Variants in FERMT2 observed in about 807,000 individuals in gnomAD.
FERMT2 encodes fermitin family homolog 2.
FERMT2 carries 15 observed loss-of-function variants against 82.7 expected under a neutral mutation model. That is an observed-to-expected ratio of 0.18 (90% CI 0.12 to 0.28). FERMT2 has a LOEUF of 0.28. FERMT2 is among the 10% of genes least tolerant of loss of function. The probability of loss-of-function intolerance (pLI) is 1.00; values close to 1 mark genes in which losing one functional copy is unlikely to be tolerated. For missense variants in FERMT2, 645 were observed against 809.4 expected, an observed-to-expected ratio of 0.80 and a Z score of 2.46; for synonymous variants, 274 against 271.5, an observed-to-expected ratio of 1.01 and a Z score of -0.09.
At chr14:52,881,703 GA>G (rs1028653543) in intron 4 of FERMT2, 101 of 1,183,800 alleles carry the variant, frequency 8.5e-5, no homozygotes, top group Non-Finnish European at 9.0e-5. Flanking sequence ...AAATTCTGGG[GA>G]AAAAAAATCA....
intron 3 of FERMT2, among the ~76,000 whole-genome samples, chr14:52,895,306 C>T (rs1887195366): frequency 6.6e-6 from 1 of 152,198 alleles, no homozygotes. Context: ...CTCAGCAATT[C>T]TGTATAAACA....
chr14:52,926,116 T>G (rs916489768), intron 2 of FERMT2, among the ~76,000 whole-genome samples: 1 of 152,208 alleles, frequency 6.6e-6, no homozygotes, highest in African/African-American at 2.4e-5. Flanking sequence ...AGCTAAAGAC[T>G]GAGTAGAAGC....
intron 3 of FERMT2, among the ~76,000 whole-genome samples, chr14:52,906,187 G>C (rs1888002072): frequency 6.6e-6 from 1 of 152,148 alleles, no homozygotes; most frequent in Non-Finnish European, 1.5e-5. Context: ...GTGTGGGGCA[G>C]GGGACAGGAG....
At chr14:52,890,904 C>T (rs1886904375) in intron 4 of FERMT2, among the ~76,000 whole-genome samples, 1 of 152,138 alleles carries the variant, frequency 6.6e-6, no homozygotes. Flanking sequence ...CGCGCCTGGC[C>T]CCTTTTATTC....
At chr14:52,889,227 TA>T (rs1329935791) in intron 4 of FERMT2, among the ~76,000 whole-genome samples, 1 of 152,232 alleles carries the variant, frequency 6.6e-6, no homozygotes, top group Non-Finnish European at 1.5e-5. Context: ...AGTTGCTCAA[TA>T]AATGTGGTTG....
chr14:52,936,656 C>A (rs754768747), intron 2 of FERMT2, among the ~76,000 whole-genome samples: 1 of 152,138 alleles, frequency 6.6e-6, no homozygotes, highest in Non-Finnish European at 1.5e-5. Context: ...CTCTTCCCAG[C>A]CTGTTGTTCT....
chr14:52,949,745 A>C (rs1424563519), intron 2 of FERMT2, among the ~76,000 whole-genome samples: 4 of 152,242 alleles, frequency 2.6e-5, no homozygotes, highest in Admixed American at 2.6e-4. Flanking sequence ...AATTAGTTTA[A>C]CAAAGTCTGC....
At chr14:52,884,329 C>T (rs1003552209) in intron 4 of FERMT2, among the ~76,000 whole-genome samples, 4 of 152,166 alleles carry the variant, frequency 2.6e-5, no homozygotes, top group African/African-American at 2.4e-5. Context: ...TGGGCAGGCG[C>T]GGTGGCTCAA....
intron 3 of FERMT2, among the ~76,000 whole-genome samples, chr14:52,902,034 C>T (rs1361114650): frequency 6.6e-6 from 1 of 151,494 alleles, no homozygotes; most frequent in Non-Finnish European, 1.5e-5. Context: ...CAAAACACAA[C>T]GTGCTTAATG....
intron 2 of FERMT2, among the ~76,000 whole-genome samples, chr14:52,942,627 T>C (rs966223143): frequency 6.6e-6 from 1 of 152,054 alleles, no homozygotes; most frequent in Non-Finnish European, 1.5e-5. Context: ...CAATTTCTAT[T>C]TTATAGAAGT....
At chr14:52,888,136 T>G (rs1172825725) in intron 4 of FERMT2, among the ~76,000 whole-genome samples, 4 of 152,292 alleles carry the variant, frequency 2.6e-5, no homozygotes, top group Non-Finnish European at 4.4e-5. Context: ...ATCAACAATA[T>G]ACACTACTCT....
rs895192860 is a variant in FERMT2 at position 52,861,095 on chromosome 14, A to T, written c.1603-630T>A. 1.3e-5 allele frequency: 18 copies of T among 1,424,936 alleles called. No individual in the cohort carries two copies. The Admixed American group carries it at 2.4e-4, about 19-fold the overall frequency. 88.3% of individuals were successfully genotyped at this position (1,424,936 alleles called of 1,614,324 possible). ...AGAAAGAAAAAAAAAGGCAATCAGA[A>T]AAAATGGCAACGAAGCAAAGAAAAA... is the stretch of plus-strand genomic sequence containing the variant. On this transcript the variant is annotated intron_variant, in intron 12 of 14. Coordinates refer to ENST00000341590, the MANE Select transcript of FERMT2 (RefSeq NM_006832.3).
chr14:52,860,507 C>T (rs1156957909), intron 12 of FERMT2, 42 bp from the exon 13 acceptor site: 3 of 1,566,646 alleles, frequency 1.9e-6, no homozygotes, highest in Non-Finnish European at 2.6e-6. Context: ...GAACATTATT[C>T]TCTCATGGGA....
At chr14:52,892,607 A>G (rs896767294) in intron 4 of FERMT2, among the ~76,000 whole-genome samples, 25 of 151,630 alleles carry the variant, frequency 1.6e-4, no homozygotes, top group African/African-American at 5.8e-4. Context: ...GGCACGTGCC[A>G]CCACGTCCAG....
In FERMT2 at chr14:52,919,236, G is replaced by A. The variant is rs1240514630; in HGVS notation, c.278C>T (p.Thr93Ile). ...CAGGCGGAGCAGTTTGTGCTGAGGG[G>A]TGAACTGAAGCTTAGCATCTGCCTG... is the stretch of plus-strand genomic sequence containing the variant. ...GIQADAKLQF[T>I]PQHKLLRLQL... The change falls in exon 3 of 15, where the codon ACC becomes ATC. Residue 93 changes from threonine (T) to isoleucine (I), a missense_variant. Physicochemically the swap from Thr to Ile is moderately conservative, Grantham distance 89 (BLOSUM62 -1). Coordinates refer to ENST00000341590, the MANE Select transcript of FERMT2 (RefSeq NM_006832.3). 1.2e-6 allele frequency: 2 copies of A among 1,614,016 alleles called. No homozygotes were observed. Among genetic ancestry groups the A allele is most frequent in the Admixed American group, 1.7e-5 (1 of 60,016 alleles).
intron 7 of FERMT2, among the ~76,000 whole-genome samples, chr14:52,877,744 G>GAAA (rs1420910076): frequency 1.3e-5 from 2 of 151,998 alleles, no homozygotes; most frequent in Non-Finnish European, 2.9e-5. Context: ...CTTCTACAGT[G>GAAA]AAAAGTTCTT....
intron 2 of FERMT2, among the ~76,000 whole-genome samples, chr14:52,923,262 A>T (rs1248382327): frequency 6.6e-6 from 1 of 151,994 alleles, no homozygotes; most frequent in Non-Finnish European, 1.5e-5. Context: ...TTCAAATTTC[A>T]ATGCCCATAA....
chr14:52,901,009 C>G (rs1342549041), intron 3 of FERMT2, among the ~76,000 whole-genome samples: 3 of 150,310 alleles, frequency 2.0e-5, no homozygotes, highest in Non-Finnish European at 2.9e-5. Flanking sequence ...GCCTGTAATC[C>G]TAGCACTTTG....
rs759488950 is a variant in FERMT2 at position 52,864,504 on chromosome 14, T to C, written c.1499A>G (p.His500Arg). ...QNILSFLKMQ[H>R]LNPDPQLIPE... ...TATTAACTGAGGATCTGGGTTTAAA[T>C]GCTGCATCTTCAGAAAGGAAAGAAT... The change falls in exon 12 of 15, where the codon CAT becomes CGT. Residue 500 changes from histidine (H) to arginine (R), a missense_variant. Transcript: ENST00000341590. 6.2e-7 allele frequency: 1 copy of C among 1,614,130 alleles called. No homozygotes were observed. Among genetic ancestry groups the C allele is most frequent in the Non-Finnish European group, 8.5e-7 (1 of 1,179,946 alleles).
Sources: gnomAD v4.1 joint callset for allele counts (sites outside exome capture counted in the v4.1 genomes callset) on GRCh38, gnomAD v4.1.1 for gene constraint, MANE v1.5 for transcripts, NCBI Gene and HGNC (gene_info 2026-07-23, HGNC 2026-07-21) for gene names.